C1orf94: variants seen among roughly 807,000 people sequenced by gnomAD.
C1orf94 encodes the protein chromosome 1 open reading frame 94, also known as uncharacterized protein C1orf94.
C1orf94 carries 45 observed loss-of-function variants against 53.6 expected under a neutral mutation model. That is an observed-to-expected ratio of 0.84 (90% CI 0.66 to 1.08). The LOEUF is 1.08. C1orf94 is among the 50% of genes least tolerant of loss of function. The pLI is 0.00. For synonymous variants in C1orf94, 304 were observed against 296.1 expected, an observed-to-expected ratio of 1.03 and a Z score of -0.27; for missense variants, 762 against 738.9, an observed-to-expected ratio of 1.03 and a Z score of -0.36.
chr1:34,174,116 C>T (rs1642186529), upstream of C1orf94, among the ~76,000 whole-genome samples: 1 of 152,222 alleles, frequency 6.6e-6, no homozygotes, highest in Non-Finnish European at 1.5e-5. Context: ...ATGATGGATG[C>T]TCAAAAATGA....
chr1:34,191,898 A>G (rs758414768), intron 1 of C1orf94, among the ~76,000 whole-genome samples: 28 of 152,312 alleles, frequency 1.8e-4, no homozygotes, highest in Non-Finnish European at 2.6e-4. Context: ...TCTGTATACC[A>G]CAAATGCAGA....
At chr1:34,192,537 A>G (rs1488204252) in intron 1 of C1orf94, among the ~76,000 whole-genome samples, 2 of 152,150 alleles carry the variant, frequency 1.3e-5, no homozygotes, top group African/African-American at 2.4e-5. Context: ...ACTGAGCTGG[A>G]GTTATGTGCC....
rs926080845 is a variant in C1orf94 at position 34,186,026 on chromosome 1, A to T, written c.320+7917A>T. Among the ~76,000 whole-genome samples the T allele has an allele frequency of 4.6e-5, 7 of 152,322 alleles. No individual in the cohort carries two copies. The South Asian group carries it at 8.3e-4, about 18-fold the overall frequency. On this transcript the variant is annotated intron_variant, in intron 1 of 6. Transcript: ENST00000488417. ...ATCTTATCCATCCTTAAGGACCTAGAATAAGTGTGTTGTCCTCTGAATTCT... is the reference window on the plus strand; with the variant it reads ...ATCTTATCCATCCTTAAGGACCTAGTATAAGTGTGTTGTCCTCTGAATTCT...
intron 4 of C1orf94, among the ~76,000 whole-genome samples, chr1:34,203,012 A>G (rs1300081508): frequency 6.6e-6 from 1 of 152,262 alleles, no homozygotes; most frequent in Non-Finnish European, 1.5e-5. Flanking sequence ...GAGCATGCGC[A>G]TAAGCTACAT....
At chr1:34,206,350 AG>A (rs1403579280) in intron 4 of C1orf94, among the ~76,000 whole-genome samples, 1 of 152,198 alleles carries the variant, frequency 6.6e-6, no homozygotes, top group Non-Finnish European at 1.5e-5. Context: ...AAAGAGGCAG[AG>A]GGAAGATGAA....
At chr1:34,187,389 G>A (rs762656314) in intron 1 of C1orf94, among the ~76,000 whole-genome samples, 131 of 152,230 alleles carry the variant, frequency 8.6e-4, no homozygotes, top group Admixed American at 1.7e-3. Context: ...AGTACCAGGA[G>A]CCATGAGTGG....
At position 34,178,112 on chromosome 1, in the gene C1orf94, A is replaced by T. The variant is rs1274140701; in HGVS notation, c.320+3A>T. 6.4e-7 allele frequency: 1 copy of T among 1,550,618 alleles called. No individual in the cohort carries two copies. On this transcript the variant is annotated splice_donor_region_variant and intron_variant, in intron 1 of 6. Coordinates refer to ENST00000488417, the MANE Select transcript of C1orf94 (RefSeq NM_001134734.2). ...AATGAGCTCAGCTTTCAAGAAGAGT[A>T]AGTACCCCCCTACTCCATTGGCAGC... is the stretch of plus-strand genomic sequence containing the variant.
At chr1:34,171,599 G>A (rs1213691283) in intron 1 of C1orf94, among the ~76,000 whole-genome samples, 1 of 152,194 alleles carries the variant, frequency 6.6e-6, no homozygotes, top group Non-Finnish European at 1.5e-5. Context: ...TTAATGTTAT[G>A]CTGTCTTCAG....
At chr1:34,167,419 C>T (rs1024222273) in intron 1 of C1orf94, among the ~76,000 whole-genome samples, 14 of 152,222 alleles carry the variant, frequency 9.2e-5, no homozygotes, top group Non-Finnish European at 1.9e-4. Context: ...CAGAACTTTG[C>T]TCTGTGGCTG....
chr1:34,175,140 T>C (rs1269863285), upstream of C1orf94, among the ~76,000 whole-genome samples: 1 of 152,148 alleles, frequency 6.6e-6, no homozygotes, highest in African/African-American at 2.4e-5. Flanking sequence ...ATCTCGTCTG[T>C]GCACTCTAAA....
intron 4 of C1orf94, among the ~76,000 whole-genome samples, chr1:34,206,256 G>A (rs1348624933): frequency 6.6e-6 from 1 of 152,224 alleles, no homozygotes; most frequent in Non-Finnish European, 1.5e-5. Context: ...TACTGTATGG[G>A]CTCCTGTGAG....
Position 34,200,907 on chromosome 1 carries a change from C to A in C1orf94, c.1145C>A (p.Pro382Gln). Residue 382 changes from proline to glutamine, a missense_variant, in exon 3 of 7, where the codon CCG becomes CAG. Pro to Gln is a moderately conservative substitution (Grantham distance 76). Transcript: ENST00000488417. The part of the protein sequence containing the change: ...DAVGTASLTL[P>Q]PKKPTCPAEK... The stretch of plus-strand genomic sequence containing the variant: ...GTGGGCACCGCATCACTGACCCTGC[C>A]GCCCAAGAAACCTACATGTCCAGCC... The A allele has an allele frequency of 6.2e-7, 1 of 1,614,138 alleles. No homozygotes were observed. Among genetic ancestry groups the A allele is most frequent in the Non-Finnish European group, 8.5e-7 (1 of 1,180,030 alleles).
At chr1:34,184,346 G>A (rs372070404) in intron 1 of C1orf94, among the ~76,000 whole-genome samples, 124 of 152,258 alleles carry the variant, frequency 8.1e-4, no homozygotes, top group Non-Finnish European at 1.4e-3. Context: ...GTTAGTGACC[G>A]GGAGAAGGTG....
At chr1:34,218,117 C>G (rs1238858743) in intron 6 of C1orf94, among the ~76,000 whole-genome samples, 2 of 152,168 alleles carry the variant, frequency 1.3e-5, no homozygotes, top group Non-Finnish European at 2.9e-5. Flanking sequence ...TTAACCCTTC[C>G]TTCCCTGAGG....
At chr1:34,200,582 G>A (rs1176671240) in intron 2 of C1orf94, among the ~76,000 whole-genome samples, 190 bp from the exon 3 acceptor site, 8 of 152,118 alleles carry the variant, frequency 5.3e-5, no homozygotes, top group East Asian at 3.9e-4. Context: ...GCATGAGATC[G>A]GGGGGCAGGG....
At chr1:34,202,003 A>G (rs1048724475) in intron 3 of C1orf94, 81 bp from the exon 4 acceptor site, 7 of 1,432,128 alleles carry the variant, frequency 4.9e-6, no homozygotes, top group Non-Finnish European at 6.8e-6. Flanking sequence ...GTGAATCCCT[A>G]AGGAAGTTGC....
intron 1 of C1orf94, among the ~76,000 whole-genome samples, chr1:34,179,729 G>T (rs1334926652): frequency 6.6e-6 from 1 of 152,126 alleles, no homozygotes; most frequent in Non-Finnish European, 1.5e-5. Flanking sequence ...TTCAGGTTGG[G>T]ATTTGTTGTT....
intron 5 of C1orf94, among the ~76,000 whole-genome samples, chr1:34,211,363 A>C (rs115770990): frequency 0.019 from 2,964 of 152,012 alleles, 72 homozygotes; most frequent in Middle Eastern, 0.054. Flanking sequence ...GGCTGGGGAG[A>C]TAGTGGTCAA....
intron 1 of C1orf94, among the ~76,000 whole-genome samples, chr1:34,194,624 A>G (rs1642550484): frequency 6.6e-6 from 1 of 152,202 alleles, no homozygotes; most frequent in African/African-American, 2.4e-5. Flanking sequence ...CATATGGCCA[A>G]TCTTGTTTCA....
Sources: allele counts gnomAD v4.1 joint callset (sites outside exome capture counted in the v4.1 genomes callset), GRCh38; gene constraint gnomAD v4.1.1; transcripts MANE v1.5; gene names NCBI Gene and HGNC (gene_info 2026-07-23, HGNC 2026-07-21).